Variants in ZMAT4 observed in about 807,000 individuals in gnomAD.
The protein encoded by ZMAT4 is zinc finger matrin-type protein 4.
In ZMAT4, 17 loss-of-function variants were observed where a neutral mutation model predicts 28.7. The ratio of observed to expected loss-of-function variants is 0.59; its 90% CI spans 0.41 to 0.89. The LOEUF (loss-of-function observed/expected upper bound fraction) is 0.89. Among genes scored for constraint, ZMAT4 ranks in the 40% least tolerant of loss-of-function variants. The probability of loss-of-function intolerance (pLI) is 0.00; values close to 1 mark genes in which losing one functional copy is unlikely to be tolerated. For synonymous variants in ZMAT4, 117 were observed against 109.2 expected, an observed-to-expected ratio of 1.07 and a Z score of -0.44; for missense variants, 240 against 283.8, an observed-to-expected ratio of 0.85 and a Z score of 1.11.
intron 2 of ZMAT4, among the ~76,000 whole-genome samples, chr8:40,806,558 G>A (rs1456015131): frequency 6.6e-6 from 1 of 152,106 alleles, no homozygotes; most frequent in Admixed American, 6.6e-5. Context: ...TGTATACAGA[G>A]CTACTCTACC....
chr8:40,799,430 C>T (rs1312448882), intron 2 of ZMAT4, among the ~76,000 whole-genome samples: 1 of 152,144 alleles, frequency 6.6e-6, no homozygotes, highest in Non-Finnish European at 1.5e-5. Flanking sequence ...AAAGCAAAGA[C>T]AGAAAAAGAA....
chr8:40,601,501 GAAAGAA>G (rs1202791498), intron 5 of ZMAT4, among the ~76,000 whole-genome samples: 9 of 144,272 alleles, frequency 6.2e-5, no homozygotes, highest in African/African-American at 1.0e-4. Context: ...AAGAGAGAAA[GAAAGAA>G]AGAGAAAGAG....
At chr8:40,782,258 T>C (rs1813868144) in intron 2 of ZMAT4, among the ~76,000 whole-genome samples, 1 of 151,766 alleles carries the variant, frequency 6.6e-6, no homozygotes, top group South Asian at 2.1e-4. Context: ...TGGTGGTGGG[T>C]GCCTGTAGTC....
Position 40,697,390 on chromosome 8 carries a change from G to A in ZMAT4, c.204C>T (p.Ala68=), listed in dbSNP as rs149820458. ...KRLRSENGSD[A]DMVDKNKCCT... is the part of the protein sequence containing the mutation. ...AGCACTTGTTCTTATCCACCATGTC[G>A]GCATCACTTCCCTGCGCAGGGAGAA... The change falls in exon 4 of 7, where the codon GCC becomes GCT. Residue 68 remains alanine, a synonymous_variant. Transcript: ENST00000297737. 194 of 1,592,002 alleles carry A rather than the reference G, an allele frequency of 1.2e-4. No individual in the cohort carries two copies. The highest frequency in any genetic ancestry group is 6.3e-4 in the African/African-American group (47 of 74,354).
At chr8:40,744,815 A>G (rs1812150737) in intron 3 of ZMAT4, among the ~76,000 whole-genome samples, 1 of 152,208 alleles carries the variant, frequency 6.6e-6, no homozygotes, top group Admixed American at 6.5e-5. Context: ...TCAAACAAAA[A>G]TAACAAGTAA....
chr8:40,862,570 TA>T (rs1554572612), intron 1 of ZMAT4, among the ~76,000 whole-genome samples: 921 of 90,010 alleles, frequency 0.01, 7 homozygotes, highest in African/African-American at 0.03. Context: ...TAGAGTATAA[TA>T]AAAAAAAAAA....
chr8:40,588,823 A>C (rs1804755538), intron 5 of ZMAT4, among the ~76,000 whole-genome samples: 1 of 152,190 alleles, frequency 6.6e-6, no homozygotes, highest in South Asian at 2.1e-4. Context: ...GTGTTAAAAA[A>C]AGATTTTTAC....
In ZMAT4 at chr8:40,601,611, AAAGAAAGAAAGAAAGAAAGAAAG is replaced by A. The variant is rs1805352164; in HGVS notation, c.578-20373_578-20351del. On this transcript the variant is annotated intron_variant, in intron 5 of 6. Transcript: ENST00000297737. Reference sequence around the variant, plus strand: ...GAAAGAAAGAAAGAAAGAAAGAAAGAAAGAAAGAAAGAAAGAAAGAAAGAGAAAGAAAGAAAGAAAGAAAGAAA... The same window carrying A: ...GAAAGAAAGAAAGAAAGAAAGAAAGAAGAAAGAAAGAAAGAAAGAAAGAAA... 8.6e-4 allele frequency among the ~76,000 whole-genome samples: 22 copies of A among 25,706 alleles called. 1 individual carries two copies. Among genetic ancestry groups the A allele is most frequent in the Non-Finnish European group, 2.1e-3 (19 of 8,976 alleles). The allele number at this position is 25,706 out of a possible 152,430, so 16.9% of individuals were successfully genotyped here.
chr8:40,672,619 A>T (rs1808724459), intron 5 of ZMAT4, among the ~76,000 whole-genome samples: 1 of 152,202 alleles, frequency 6.6e-6, no homozygotes, highest in Non-Finnish European at 1.5e-5. Context: ...CATAAAAGAT[A>T]CAGCACTGAT....
chr8:40,896,954 T>A (rs915330833), intron 1 of ZMAT4, among the ~76,000 whole-genome samples: 1 of 148,560 alleles, frequency 6.7e-6, no homozygotes, highest in South Asian at 2.2e-4. Context: ...GAACTCTCTA[T>A]CCCGTTTTTT....
In ZMAT4 at chr8:40,589,731, C is replaced by CCTTTCTTTCTTTTCTTT. The variant is rs1554523989; in HGVS notation, c.578-8471_578-8470insAAAGAAAAGAAAGAAAG. ...CTTCTTCCTTCTTCCTTCTTCCTTTCCTTTCTTTCTTTCTTTCTTTCTTTC... is the reference window on the plus strand; with the variant it reads ...CTTCTTCCTTCTTCCTTCTTCCTTTCCTTTCTTTCTTTTCTTTCTTTCTTTCTTTCTTTCTTTCTTTC... On this transcript the variant is annotated intron_variant, in intron 5 of 6. Transcript: ENST00000297737. 2.2e-5 allele frequency among the ~76,000 whole-genome samples: 3 copies of CCTTTCTTTCTTTTCTTT among 139,274 alleles called. No individual in the cohort carries two copies. In the East Asian group the frequency reaches 6.3e-4, roughly 29 times the overall value. The allele number at this position is 139,274 out of a possible 152,430, so 91.4% of individuals were successfully genotyped here. A position where few individuals can be genotyped will look rare whatever the true frequency, so the allele number is the denominator to read the frequency against.
At chr8:40,593,379 G>A (rs1220644379) in intron 5 of ZMAT4, among the ~76,000 whole-genome samples, 2 of 152,136 alleles carry the variant, frequency 1.3e-5, no homozygotes, top group African/African-American at 4.8e-5. Context: ...TATGTATGCA[G>A]GGCACAATGA....
At chr8:40,844,657 CTGTGTGTGTGTGTG>C (rs71224857) in intron 1 of ZMAT4, among the ~76,000 whole-genome samples, 5 of 142,494 alleles carry the variant, frequency 3.5e-5, no homozygotes, top group East Asian at 2.1e-4. Context: ...CTCTCTCATT[CTGTGTGTGTGTGTG>C]TGTGTGTGTG....
intron 2 of ZMAT4, among the ~76,000 whole-genome samples, chr8:40,808,851 A>T (rs1305242443): frequency 2.4e-5 from 1 of 41,680 alleles, no homozygotes; most frequent in African/African-American, 7.2e-5. Context: ...CCAACTATTT[A>T]AAAAAAAAAA....
intron 2 of ZMAT4, among the ~76,000 whole-genome samples, chr8:40,814,274 G>T (rs1368526660): frequency 6.6e-6 from 1 of 152,192 alleles, no homozygotes; most frequent in East Asian, 1.9e-4. Flanking sequence ...ACATGGTTTT[G>T]CTCCACACTC....
intron 5 of ZMAT4, among the ~76,000 whole-genome samples, chr8:40,605,705 C>T (rs1396980649): frequency 6.6e-6 from 1 of 152,034 alleles, no homozygotes; most frequent in African/African-American, 2.4e-5. Flanking sequence ...AGTTTAAATC[C>T]ACTGTTTCTT....
chr8:40,745,914 A>G (rs1812197357), intron 3 of ZMAT4, among the ~76,000 whole-genome samples: 1 of 152,192 alleles, frequency 6.6e-6, no homozygotes, highest in Admixed American at 6.5e-5. Context: ...TTCATCCTCT[A>G]GAACTAATTT....
intron 6 of ZMAT4, among the ~76,000 whole-genome samples, chr8:40,548,146 T>C (rs1021508035): frequency 5.3e-5 from 8 of 152,012 alleles, no homozygotes; most frequent in Non-Finnish European, 1.2e-4. Context: ...AAAGAGATAA[T>C]CAAACATTTA....
intron 5 of ZMAT4, among the ~76,000 whole-genome samples, chr8:40,604,366 C>T (rs938115588): frequency 4.6e-5 from 7 of 152,044 alleles, no homozygotes; most frequent in South Asian, 2.1e-4. Context: ...TTGTCATGGA[C>T]AACTTTTATT....
Sources: allele counts gnomAD v4.1 joint callset (sites outside exome capture counted in the v4.1 genomes callset), GRCh38; gene constraint gnomAD v4.1.1; transcripts MANE v1.5; gene names NCBI Gene and HGNC (gene_info 2026-07-23, HGNC 2026-07-21).